PHACTR1: variants seen among roughly 807,000 people sequenced by gnomAD.
The protein encoded by PHACTR1 is phosphatase and actin regulator 1.
PHACTR1 carries 16 observed loss-of-function variants against 69.2 expected under a neutral mutation model. The ratio of observed to expected loss-of-function variants is 0.23; its 90% CI spans 0.16 to 0.35. PHACTR1 has a LOEUF of 0.35. PHACTR1 is among the 10% of genes least tolerant of loss of function. PHACTR1 has a pLI of 1.00. For missense variants in PHACTR1, 510 were observed against 734.7 expected (o/e 0.69, Z 3.54); for synonymous variants, 312 against 284.5 (o/e 1.10, Z -0.97).
At chr6:12,798,131 A>G (rs562394972) in intron 4 of PHACTR1, among the ~76,000 whole-genome samples, 1 of 151,280 alleles carries the variant, frequency 6.6e-6, no homozygotes, top group East Asian at 2.0e-4. Context: ...AGTGTCTGGT[A>G]CCATACTGTG....
chr6:13,047,792 C>G (rs1805309226), intron 4 of PHACTR1, among the ~76,000 whole-genome samples: 1 of 152,064 alleles, frequency 6.6e-6, no homozygotes, highest in South Asian at 2.1e-4. Context: ...ACTTTCTAGG[C>G]CAGCAGAAAG....
intron 4 of PHACTR1, among the ~76,000 whole-genome samples, chr6:12,758,352 G>A (rs146846914): frequency 2.0e-5 from 3 of 150,514 alleles, no homozygotes; most frequent in Non-Finnish European, 4.4e-5. Context: ...TGAGGCAGGA[G>A]AATTGCTTGA....
intron 4 of PHACTR1, among the ~76,000 whole-genome samples, chr6:13,052,902 G>A (rs777615518): frequency 1.3e-5 from 2 of 152,208 alleles, no homozygotes; most frequent in Non-Finnish European, 2.9e-5. Flanking sequence ...ACAGCAGTGG[G>A]TATTGGAGAC....
intron 4 of PHACTR1, among the ~76,000 whole-genome samples, chr6:12,824,086 C>G (rs1776516422): frequency 1.3e-5 from 2 of 152,182 alleles, no homozygotes; most frequent in Admixed American, 1.3e-4. Context: ...CTCCCCATCG[C>G]TTGCATTACT....
At chr6:13,035,461 A>G (rs563794422) in intron 4 of PHACTR1, among the ~76,000 whole-genome samples, 2 of 151,964 alleles carry the variant, frequency 1.3e-5, no homozygotes, top group South Asian at 4.2e-4. Flanking sequence ...ATTTTACTGC[A>G]TTGTTCTAGT....
intron 10 of PHACTR1, among the ~76,000 whole-genome samples, chr6:13,237,403 T>A (rs1772160745): frequency 6.6e-6 from 1 of 151,854 alleles, no homozygotes; most frequent in South Asian, 2.1e-4. Flanking sequence ...TAGGCAAAAA[T>A]ATATATTTGT....
At chr6:13,032,841 T>C (rs973290177) in intron 4 of PHACTR1, among the ~76,000 whole-genome samples, 7 of 152,122 alleles carry the variant, frequency 4.6e-5, no homozygotes, top group Non-Finnish European at 7.3e-5. Context: ...ACTCACACAA[T>C]CCACTCACCA....
chr6:12,904,333 ACCAGCC>A (rs1401168308), intron 4 of PHACTR1, among the ~76,000 whole-genome samples: 1 of 152,060 alleles, frequency 6.6e-6, no homozygotes, highest in African/African-American at 2.4e-5. Flanking sequence ...GGAGTTCAAG[ACCAGCC>A]TGCCCAACAT....
chr6:12,754,624 A>C (rs1464120171), intron 4 of PHACTR1, among the ~76,000 whole-genome samples: 2 of 152,216 alleles, frequency 1.3e-5, no homozygotes, highest in African/African-American at 4.8e-5. Flanking sequence ...GTACCAGTGA[A>C]GATCACCCCA....
At chr6:13,119,858 A>C (rs1370591930) in intron 5 of PHACTR1, among the ~76,000 whole-genome samples, 1 of 152,202 alleles carries the variant, frequency 6.6e-6, no homozygotes, top group Admixed American at 6.5e-5. Context: ...TTTTCCAGGA[A>C]TCCAAACTTG....
chr6:12,946,625 G>A (rs1582636680), intron 4 of PHACTR1, among the ~76,000 whole-genome samples: 1 of 152,056 alleles, frequency 6.6e-6, no homozygotes, highest in African/African-American at 2.4e-5. Context: ...CATTTAAGAA[G>A]CAGATAAATG....
chr6:12,759,989 A>C (rs567908315), intron 4 of PHACTR1, among the ~76,000 whole-genome samples: 43 of 152,226 alleles, frequency 2.8e-4, no homozygotes, highest in Non-Finnish European at 5.6e-4. Flanking sequence ...TAGTGATAGT[A>C]ATTATCTTAC....
chr6:12,728,997 G>A (rs1380008151), intron 3 of PHACTR1, among the ~76,000 whole-genome samples: 2 of 152,178 alleles, frequency 1.3e-5, no homozygotes, highest in South Asian at 2.1e-4. Context: ...GAAGCAAGAC[G>A]TCAAGCACCT....
intron 4 of PHACTR1, among the ~76,000 whole-genome samples, chr6:13,007,525 A>T (rs561756144): frequency 6.6e-6 from 1 of 152,164 alleles, no homozygotes; most frequent in South Asian, 2.1e-4. Flanking sequence ...TTCCTTGGAT[A>T]TTAGCGATAC....
At chr6:13,239,826 T>C (rs1317318438) in intron 10 of PHACTR1, among the ~76,000 whole-genome samples, 1 of 152,186 alleles carries the variant, frequency 6.6e-6, no homozygotes, top group Non-Finnish European at 1.5e-5. Flanking sequence ...TGTCCATGCC[T>C]GTGTGTCAGG....
intron 5 of PHACTR1, among the ~76,000 whole-genome samples, chr6:13,119,066 T>A (rs1156655161): frequency 2.0e-5 from 3 of 152,176 alleles, no homozygotes; most frequent in African/African-American, 7.2e-5. Flanking sequence ...CCTCCTCTCC[T>A]TGTCTTCTCT....
At chr6:12,942,591 G>A (rs887765266) in intron 4 of PHACTR1, among the ~76,000 whole-genome samples, 7 of 151,898 alleles carry the variant, frequency 4.6e-5, no homozygotes, top group Non-Finnish European at 7.4e-5. Flanking sequence ...CCCAGGAGGC[G>A]GCAGGTTCAG....
chr6:12,740,310 C>G (rs988309), intron 3 of PHACTR1, among the ~76,000 whole-genome samples: 8,270 of 151,906 alleles, frequency 0.054, 569 homozygotes, highest in East Asian at 0.3. Context: ...GTATGTTTAC[C>G]CATGTTTATG....
intron 7 of PHACTR1, among the ~76,000 whole-genome samples, chr6:13,183,487 C>T (rs188267714): frequency 2.6e-5 from 4 of 152,248 alleles, no homozygotes; most frequent in Non-Finnish European, 5.9e-5. Context: ...TCCCATGCTT[C>T]GTTATGGGAC....
Sources: gnomAD v4.1 joint callset for allele counts (sites outside exome capture counted in the v4.1 genomes callset) on GRCh38, gnomAD v4.1.1 for gene constraint, MANE v1.5 for transcripts, NCBI Gene and HGNC (gene_info 2026-07-23, HGNC 2026-07-21) for gene names.